Variants in RPRD1B observed in about 807,000 individuals in gnomAD.
RPRD1B encodes regulation of nuclear pre-mRNA domain containing 1B.
In RPRD1B, 11 loss-of-function variants were observed where a neutral mutation model predicts 41.5. The ratio of observed to expected loss-of-function variants is 0.27; its 90% CI spans 0.17 to 0.44. The LOEUF (loss-of-function observed/expected upper bound fraction) is 0.44. Among genes scored for constraint, RPRD1B ranks in the 20% least tolerant of loss-of-function variants. The pLI is 1.00. For synonymous variants in RPRD1B, 158 were observed against 155.6 expected (o/e 1.02, Z -0.12); for missense variants, 248 against 389.9 (o/e 0.64, Z 3.06).
At chr20:38,058,876 A>G (rs1457569058) in intron 4 of RPRD1B, among the ~76,000 whole-genome samples, 1 of 151,838 alleles carries the variant, frequency 6.6e-6, no homozygotes, top group Non-Finnish European at 1.5e-5. Flanking sequence ...TTGGCTTATT[A>G]TTTTATTTTA....
At chr20:38,040,720 C>G (rs2074057395) in intron 2 of RPRD1B, among the ~76,000 whole-genome samples, 156 bp downstream of exon 2, 1 of 152,174 alleles carries the variant, frequency 6.6e-6, no homozygotes, top group African/African-American at 2.4e-5. Flanking sequence ...GTTGAGCCCT[C>G]AAGAACTATC....
chr20:38,039,152 A>G (rs931822068), intron 1 of RPRD1B, among the ~76,000 whole-genome samples: 1 of 152,228 alleles, frequency 6.6e-6, no homozygotes, highest in East Asian at 1.9e-4. Flanking sequence ...ATGGTTTAAT[A>G]TATGATACCA....
At chr20:38,040,196 A>G (rs543480081) in intron 1 of RPRD1B, among the ~76,000 whole-genome samples, 7 of 151,618 alleles carry the variant, frequency 4.6e-5, no homozygotes, top group African/African-American at 7.2e-5. Flanking sequence ...TCAATTAATT[A>G]CCCTGGTTTA....
chr20:38,057,850 T>C (rs1266271107), intron 4 of RPRD1B, among the ~76,000 whole-genome samples: 1 of 152,222 alleles, frequency 6.6e-6, no homozygotes, highest in East Asian at 1.9e-4. Context: ...TGGGATGGGC[T>C]TATGTTTTAT....
intron 6 of RPRD1B, among the ~76,000 whole-genome samples, chr20:38,086,619 G>C (rs1326708587): frequency 6.6e-6 from 1 of 152,186 alleles, no homozygotes; most frequent in Non-Finnish European, 1.5e-5. Context: ...AAAGGCGTGA[G>C]CCACCATGCC....
intron 4 of RPRD1B, 123 bp from the exon 5 acceptor site, chr20:38,059,271 T>G: frequency 9.4e-7 from 1 of 1,058,388 alleles, no homozygotes; most frequent in East Asian, 2.7e-5. Context: ...TAAGAACAGT[T>G]TTTTTTAAGA....
At chr20:38,063,149 C>T (rs1003633868) in intron 5 of RPRD1B, among the ~76,000 whole-genome samples, 7 of 152,082 alleles carry the variant, frequency 4.6e-5, no homozygotes, top group Admixed American at 4.6e-4. Flanking sequence ...AACGTTCCTC[C>T]CAGATAGTTA....
intron 6 of RPRD1B, among the ~76,000 whole-genome samples, chr20:38,087,554 AG>A: frequency 6.6e-6 from 1 of 152,192 alleles, no homozygotes; most frequent in Non-Finnish European, 1.5e-5. Context: ...GAATTCAGGC[AG>A]GGGGCAGGAA....
At chr20:38,040,652 A>G in intron 2 of RPRD1B, 88 bp downstream of exon 2, 2 of 1,402,080 alleles carry the variant, frequency 1.4e-6, no homozygotes, top group East Asian at 2.4e-5. Flanking sequence ...GCCTTTGTAA[A>G]TTGACAACTT....
At chr20:38,081,431 T>C (rs1244328188) in intron 6 of RPRD1B, among the ~76,000 whole-genome samples, 2 of 152,216 alleles carry the variant, frequency 1.3e-5, no homozygotes, top group African/African-American at 2.4e-5. Context: ...GCTGAAGTTA[T>C]CAGAACTAGG....
At chr20:38,089,609 G>A in intron 6 of RPRD1B, 117 bp from the exon 7 acceptor site, 4 of 776,534 alleles carry the variant, frequency 5.2e-6, no homozygotes, top group East Asian at 2.5e-5. Flanking sequence ...AACAGGGTGG[G>A]CAGGCTGGTG....
At chr20:38,034,428 C>G (rs1406458592) in intron 1 of RPRD1B, among the ~76,000 whole-genome samples, 1 of 152,184 alleles carries the variant, frequency 6.6e-6, no homozygotes, top group Non-Finnish European at 1.5e-5. Context: ...ATGTCGGGCC[C>G]AGTGCTGGGT....
chr20:38,052,056 C>G (rs2074190951), intron 3 of RPRD1B, among the ~76,000 whole-genome samples: 1 of 152,184 alleles, frequency 6.6e-6, no homozygotes, highest in East Asian at 1.9e-4. Flanking sequence ...CGGCCCCTAG[C>G]TGTCATTTCT....
chr20:38,037,963 A>G (rs1468546963), intron 1 of RPRD1B, among the ~76,000 whole-genome samples: 2 of 151,774 alleles, frequency 1.3e-5, no homozygotes, highest in Non-Finnish European at 2.9e-5. Flanking sequence ...CTTGCATGGG[A>G]TTATAGGTGT....
At chr20:38,077,031 C>T (rs1354824117) in intron 6 of RPRD1B, among the ~76,000 whole-genome samples, 2 of 147,682 alleles carry the variant, frequency 1.4e-5, no homozygotes, top group Non-Finnish European at 3.0e-5. Flanking sequence ...AATTCTTCTG[C>T]CTCAGCCTCC....
intron 6 of RPRD1B, among the ~76,000 whole-genome samples, chr20:38,075,390 C>G (rs946664224): frequency 1.3e-5 from 2 of 152,152 alleles, no homozygotes; most frequent in Non-Finnish European, 2.9e-5. Context: ...TTTAAATGAT[C>G]TTGTTTACAT....
intron 6 of RPRD1B, among the ~76,000 whole-genome samples, chr20:38,084,580 C>T (rs371180839): frequency 5.9e-5 from 9 of 152,206 alleles, no homozygotes; most frequent in African/African-American, 2.2e-4. Flanking sequence ...AGCTCATCTG[C>T]AGTGTGTCAG....
intron 5 of RPRD1B, among the ~76,000 whole-genome samples, chr20:38,064,207 C>G (rs1445017838): frequency 1.3e-5 from 2 of 152,180 alleles, no homozygotes; most frequent in African/African-American, 4.8e-5. Flanking sequence ...TCACTTCTTC[C>G]CCTTCACCAA....
chr20:38,065,460 C>T (rs1685876654), intron 5 of RPRD1B, among the ~76,000 whole-genome samples: 1 of 152,204 alleles, frequency 6.6e-6, no homozygotes, highest in Admixed American at 6.5e-5. Flanking sequence ...CAAGGTTGCT[C>T]AAGGCCCTTA....
Sources: gnomAD v4.1 joint callset for allele counts (sites outside exome capture counted in the v4.1 genomes callset) on GRCh38, gnomAD v4.1.1 for gene constraint, MANE v1.5 for transcripts, NCBI Gene and HGNC (gene_info 2026-07-23, HGNC 2026-07-21) for gene names.